Variants in SSH2 observed in about 807,000 individuals in gnomAD.
SSH2 encodes the protein protein phosphatase Slingshot homolog 2.
SSH2 carries 37 observed loss-of-function variants against 135.2 expected under a neutral mutation model. That is an observed-to-expected ratio of 0.27 (90% CI 0.21 to 0.36). The LOEUF is 0.36. SSH2 is among the 10% of genes least tolerant of loss of function. The probability of loss-of-function intolerance (pLI) is 1.00; values close to 1 mark genes in which losing one functional copy is unlikely to be tolerated. For missense variants in SSH2, 1,408 were observed against 1,765.3 expected, an observed-to-expected ratio of 0.80 and a Z score of 3.63; for synonymous variants, 628 against 646.2, an observed-to-expected ratio of 0.97 and a Z score of 0.43.
intron 1 of SSH2, among the ~76,000 whole-genome samples, chr17:29,929,626 G>A (rs1302233005): frequency 6.6e-6 from 1 of 152,150 alleles, no homozygotes; most frequent in Non-Finnish European, 1.5e-5. Context: ...GGTAAAAGAA[G>A]GGGGAGGGTG....
chr17:29,689,574 T>C (rs544994307), intron 5 of SSH2, among the ~76,000 whole-genome samples: 1 of 152,272 alleles, frequency 6.6e-6, no homozygotes, highest in South Asian at 2.1e-4. Flanking sequence ...TAACTAAGAT[T>C]ATATTTCCAA....
chr17:29,725,143 C>T (rs891487922), intron 3 of SSH2, among the ~76,000 whole-genome samples: 2 of 151,118 alleles, frequency 1.3e-5, no homozygotes, highest in Admixed American at 6.6e-5. Flanking sequence ...GTTAGGAGAT[C>T]GAGACCATTC....
intron 2 of SSH2, among the ~76,000 whole-genome samples, chr17:29,817,755 C>G (rs2042582954): frequency 6.6e-6 from 1 of 151,860 alleles, no homozygotes; most frequent in African/African-American, 2.4e-5. Flanking sequence ...CTCTTGTATA[C>G]TTTATTTATT....
intron 3 of SSH2, among the ~76,000 whole-genome samples, chr17:29,792,409 C>A (rs900192662): frequency 2.0e-5 from 3 of 152,054 alleles, no homozygotes; most frequent in African/African-American, 7.2e-5. Flanking sequence ...AATATGATTA[C>A]GATGCCTCTG....
intron 2 of SSH2, among the ~76,000 whole-genome samples, chr17:29,840,412 C>G (rs2043019638): frequency 6.6e-6 from 1 of 152,150 alleles, no homozygotes; most frequent in African/African-American, 2.4e-5. Context: ...TTTTAGATTC[C>G]TTTAGCCAAG....
At chr17:29,872,264 C>T (rs1469606972) in intron 1 of SSH2, among the ~76,000 whole-genome samples, 1 of 152,170 alleles carries the variant, frequency 6.6e-6, no homozygotes, top group Non-Finnish European at 1.5e-5. Flanking sequence ...ATTAATATTA[C>T]TCAGTGGCCA....
chr17:29,920,156 C>T (rs895560248), intron 1 of SSH2, among the ~76,000 whole-genome samples: 1 of 152,206 alleles, frequency 6.6e-6, no homozygotes, highest in Non-Finnish European at 1.5e-5. Flanking sequence ...CCACCTCAGC[C>T]TCCCAAAGTG....
chr17:29,762,714 GCT>G (rs1207186805), intron 3 of SSH2, among the ~76,000 whole-genome samples: 1 of 152,002 alleles, frequency 6.6e-6, no homozygotes, highest in East Asian at 1.9e-4. Flanking sequence ...ATATGACTGC[GCT>G]CTCTCTCTCC....
chr17:29,836,868 C>T (rs1025295788), intron 2 of SSH2, among the ~76,000 whole-genome samples: 10 of 152,138 alleles, frequency 6.6e-5, no homozygotes, highest in South Asian at 4.1e-4. Context: ...TTGTCTTAAC[C>T]GGGGTCATCC....
intron 1 of SSH2, chr17:29,925,543 C>G (rs2067049250): frequency 2.5e-6 from 1 of 398,242 alleles, no homozygotes; most frequent in African/African-American, 2.1e-5. Flanking sequence ...AGACCCCAAG[C>G]AAGTCCCCAT....
chr17:29,699,426 G>C (rs2038891712), intron 4 of SSH2, among the ~76,000 whole-genome samples: 1 of 152,222 alleles, frequency 6.6e-6, no homozygotes, highest in Non-Finnish European at 1.5e-5. Flanking sequence ...GGCCAAGGCA[G>C]CTTCAGTTTA....
At chr17:29,726,590 A>G (rs1328228908) in intron 3 of SSH2, among the ~76,000 whole-genome samples, 1 of 152,218 alleles carries the variant, frequency 6.6e-6, no homozygotes, top group African/African-American at 2.4e-5. Flanking sequence ...GAGAATATAG[A>G]TACCATGGGG....
At chr17:29,883,788 C>T (rs1325464726) in intron 1 of SSH2, among the ~76,000 whole-genome samples, 1 of 152,138 alleles carries the variant, frequency 6.6e-6, no homozygotes, top group Admixed American at 6.5e-5. Flanking sequence ...CTTTTATCTT[C>T]TATCTCTTTC....
intron 1 of SSH2, among the ~76,000 whole-genome samples, chr17:29,862,960 A>G (rs2065789836): frequency 6.6e-6 from 1 of 152,160 alleles, no homozygotes; most frequent in South Asian, 2.1e-4. Context: ...AACCTTCCTT[A>G]TGTAGGCAGG....
chr17:29,784,415 G>A (rs1399733558), intron 3 of SSH2, among the ~76,000 whole-genome samples: 8 of 151,716 alleles, frequency 5.3e-5, no homozygotes, highest in African/African-American at 1.9e-4. Flanking sequence ...GGGGGCCGAG[G>A]CAGGTGAATC....
intron 1 of SSH2, among the ~76,000 whole-genome samples, chr17:29,916,266 T>A (rs2066880175): frequency 6.6e-6 from 1 of 152,112 alleles, no homozygotes; most frequent in East Asian, 1.9e-4. Context: ...GCTAATGCAC[T>A]CCCTGGCTTA....
intron 2 of SSH2, among the ~76,000 whole-genome samples, chr17:29,826,913 A>C (rs954830019): frequency 1.3e-5 from 2 of 152,188 alleles, no homozygotes; most frequent in Non-Finnish European, 2.9e-5. Context: ...AAGTAGACAC[A>C]GTTCCCAAAA....
In SSH2 at chr17:29,828,434, C is replaced by T. The variant is rs549237429; in HGVS notation, c.144+20415G>A. Among the ~76,000 whole-genome samples, 14 of 152,250 alleles carry T rather than the reference C, an allele frequency of 9.2e-5. No individual in the cohort carries two copies. In the East Asian group the frequency reaches 1.9e-3, roughly 21 times the overall value. On this transcript the variant is annotated intron_variant, in intron 2 of 15. Transcript: ENST00000540801. ...CTACAGAAAGATGGCATGCTTTAAC[C>T]CCTCTTCCTAGTTCCACAAAAATGG...
intron 2 of SSH2, among the ~76,000 whole-genome samples, chr17:29,803,309 A>C (rs2042283720): frequency 6.6e-6 from 1 of 152,248 alleles, no homozygotes; most frequent in Non-Finnish European, 1.5e-5. Flanking sequence ...TTTAGTTAGC[A>C]TATGAGCTGG....
Sources: allele counts gnomAD v4.1 joint callset (sites outside exome capture counted in the v4.1 genomes callset), GRCh38; gene constraint gnomAD v4.1.1; transcripts MANE v1.5; gene names NCBI Gene and HGNC (gene_info 2026-07-23, HGNC 2026-07-21).